Variants in DACH1 observed in about 807,000 individuals in gnomAD.
DACH1 encodes dachshund family transcription factor 1, also known as dachshund homolog 1.
Under a neutral mutation model 54.2 loss-of-function variants are expected in DACH1, and 12 were observed. The observed-to-expected ratio is 0.22, with a 90% CI of 0.14 to 0.36. DACH1 has a LOEUF of 0.36. Among genes scored for constraint, DACH1 ranks in the 10% least tolerant of loss-of-function variants. DACH1 has a pLI of 1.00. For missense variants in DACH1, 805 were observed against 929.8 expected, an observed-to-expected ratio of 0.87 and a Z score of 1.75; for synonymous variants, 386 against 366.2, an observed-to-expected ratio of 1.05 and a Z score of -0.62.
At chr13:71,443,648 C>A (rs1301491961) in intron 10 of DACH1, among the ~76,000 whole-genome samples, 2 of 152,014 alleles carry the variant, frequency 1.3e-5, no homozygotes, top group South Asian at 2.1e-4. Context: ...TAATTCTGAG[C>A]AATGATGTAA....
chr13:71,775,112 C>T (rs1319253069), intron 1 of DACH1, among the ~76,000 whole-genome samples: 1 of 136,518 alleles, frequency 7.3e-6, no homozygotes, highest in Non-Finnish European at 1.5e-5. Flanking sequence ...GAGCAAGACT[C>T]CATCTCAACA....
chr13:71,857,974 T>G (rs1314706940), intron 1 of DACH1, among the ~76,000 whole-genome samples: 1 of 151,718 alleles, frequency 6.6e-6, no homozygotes, highest in African/African-American at 2.4e-5. Context: ...CTGTTGCTAC[T>G]AATAAAATAT....
intron 1 of DACH1, among the ~76,000 whole-genome samples, chr13:71,813,520 C>T (rs969831928): frequency 3.9e-5 from 6 of 152,082 alleles, no homozygotes; most frequent in Non-Finnish European, 7.4e-5. Context: ...AATGAGGTTG[C>T]CTTTCTTCAT....
intron 1 of DACH1, among the ~76,000 whole-genome samples, chr13:71,803,921 G>T (rs538701349): frequency 1.3e-5 from 2 of 152,126 alleles, no homozygotes; most frequent in South Asian, 4.1e-4. Flanking sequence ...GCCTAGGACT[G>T]GGTATTTGAA....
At chr13:71,776,521 C>T (rs1752039983) in intron 1 of DACH1, among the ~76,000 whole-genome samples, 2 of 151,864 alleles carry the variant, frequency 1.3e-5, no homozygotes, top group African/African-American at 2.4e-5. Context: ...TCAGTTAATG[C>T]TAATTCATTG....
intron 1 of DACH1, among the ~76,000 whole-genome samples, chr13:71,807,324 T>C (rs773582365): frequency 6.8e-6 from 1 of 146,538 alleles, no homozygotes; most frequent in Non-Finnish European, 1.5e-5. Flanking sequence ...TCAGTGAGAT[T>C]AAAATAAATA....
At chr13:71,786,820 T>C (rs1363038804) in intron 1 of DACH1, among the ~76,000 whole-genome samples, 1 of 152,176 alleles carries the variant, frequency 6.6e-6, no homozygotes, top group East Asian at 1.9e-4. Context: ...TAATGTTTCT[T>C]CTTCTTTTTG....
chr13:71,555,782 T>A (rs1433736872), intron 6 of DACH1, among the ~76,000 whole-genome samples: 1 of 152,126 alleles, frequency 6.6e-6, no homozygotes, highest in East Asian at 1.9e-4. Flanking sequence ...AAATGTAAGT[T>A]AAAAATTTAG....
chr13:71,856,234 G>A (rs1209325935), intron 1 of DACH1, among the ~76,000 whole-genome samples: 1 of 151,934 alleles, frequency 6.6e-6, no homozygotes, highest in African/African-American at 2.4e-5. Flanking sequence ...TTGTATAAAT[G>A]TAATTCTATG....
At chr13:71,497,184 TATAAA>T (rs1206508112) in intron 6 of DACH1, among the ~76,000 whole-genome samples, 2 of 152,180 alleles carry the variant, frequency 1.3e-5, no homozygotes, top group East Asian at 3.8e-4. Flanking sequence ...CTTTGTAAAA[TATAAA>T]ATACTATATT....
chr13:71,538,781 G>T (rs139587338), intron 6 of DACH1, among the ~76,000 whole-genome samples: 1 of 152,040 alleles, frequency 6.6e-6, no homozygotes, highest in East Asian at 1.9e-4. Flanking sequence ...CTTACCTACG[G>T]AGCTCTAGAT....
At chr13:71,848,680 G>A (rs9572802) in intron 1 of DACH1, among the ~76,000 whole-genome samples, 1 of 151,726 alleles carries the variant, frequency 6.6e-6, no homozygotes, top group African/African-American at 2.4e-5. Flanking sequence ...AAGTAGCCTG[G>A]CTAATTAAAA....
intron 1 of DACH1, among the ~76,000 whole-genome samples, chr13:71,767,109 TA>T (rs559135452): frequency 3.3e-5 from 5 of 152,044 alleles, no homozygotes; most frequent in Non-Finnish European, 7.4e-5. Context: ...ATTGGCAAAT[TA>T]AAACATCATA....
At chr13:71,785,479 TA>T (rs1359140140) in intron 1 of DACH1, among the ~76,000 whole-genome samples, 6 of 152,220 alleles carry the variant, frequency 3.9e-5, no homozygotes, top group Admixed American at 6.5e-5. Flanking sequence ...TTTAAGATAA[TA>T]AGGCAAGGCC....
intron 6 of DACH1, 77 bp downstream of exon 6, chr13:71,556,947 A>G: frequency 7.2e-7 from 1 of 1,390,546 alleles, no homozygotes; most frequent in Non-Finnish European, 9.6e-7. Flanking sequence ...GTAGAGATAG[A>G]CTTCATTGTG....
chr13:71,678,141 C>T (rs1397319206), intron 2 of DACH1, among the ~76,000 whole-genome samples: 1 of 152,032 alleles, frequency 6.6e-6, no homozygotes, highest in Non-Finnish European at 1.5e-5. Flanking sequence ...TCTCAGAATA[C>T]AAAAGTACAT....
rs915947502 is a variant in DACH1 at position 71,597,886 on chromosome 13, G to A, written c.1127-24874C>T. Among the ~76,000 whole-genome samples, 4 of 152,234 alleles carry A rather than the reference G, an allele frequency of 2.6e-5. 1 individual carries two copies. The East Asian group carries it at 7.7e-4, about 29-fold the overall frequency. ...AGTCCCAGCACTCTGGAAGGCTGAG[G>A]TGGGCATATCGCTTGAGCCCAGGAG... On this transcript the variant is annotated intron_variant, in intron 3 of 10. Transcript: ENST00000613252.
At chr13:71,451,530 C>A (rs1460530044) in intron 10 of DACH1, among the ~76,000 whole-genome samples, 2 of 152,100 alleles carry the variant, frequency 1.3e-5, no homozygotes, top group Non-Finnish European at 2.9e-5. Context: ...AAGAACACAG[C>A]CCCACTGGGA....
chr13:71,648,915 A>AG (rs1054667779), intron 2 of DACH1, among the ~76,000 whole-genome samples: 1 of 152,184 alleles, frequency 6.6e-6, no homozygotes, highest in African/African-American at 2.4e-5. Context: ...GACAGATGGT[A>AG]GGGTCAAGGC....
Sources: allele counts gnomAD v4.1 joint callset (sites outside exome capture counted in the v4.1 genomes callset), GRCh38; gene constraint gnomAD v4.1.1; transcripts MANE v1.5; gene names NCBI Gene and HGNC (gene_info 2026-07-23, HGNC 2026-07-21).